TLR6: variants seen among roughly 807,000 people sequenced by gnomAD.
TLR6 encodes the protein toll-like receptor 6.
TLR6 carries 9 observed loss-of-function variants against 16.1 expected under a neutral mutation model. The observed-to-expected ratio is 0.56, with a 90% CI of 0.34 to 0.98. The LOEUF (loss-of-function observed/expected upper bound fraction) is 0.98, where lower values mean the gene tolerates loss of function less well. TLR6 is among the 50% of genes least tolerant of loss of function. TLR6 has a pLI of 0.02. For synonymous variants in TLR6, 340 were observed against 338.6 expected, an observed-to-expected ratio of 1.00 and a Z score of -0.04; for missense variants, 786 against 921.0, an observed-to-expected ratio of 0.85 and a Z score of 1.90.
chr4:38,843,508 C>T (rs1413361281), intron 1 of TLR6: 1 of 152,170 alleles, frequency 6.6e-6, no homozygotes, highest in Non-Finnish European at 1.5e-5. Flanking sequence ...TTTTCACCAT[C>T]AGGGTATATA....
intron 1 of TLR6, among the ~76,000 whole-genome samples, chr4:38,837,120 T>C (rs534756740): frequency 1.3e-5 from 2 of 152,232 alleles, no homozygotes; most frequent in South Asian, 4.1e-4. Context: ...CCCATGTTCA[T>C]GGACTGGAAG....
chr4:38,845,419 A>T lies in TLR6; in HGVS notation c.-65+11342T>A, dbSNP rs372756798. On this transcript the variant is annotated intron_variant, in intron 1 of 1. Coordinates refer to ENST00000436693, the Ensembl canonical transcript of TLR6. ...TGAAATTATAGTTGCTAATCAACTGATCTTAAAATAGGAAGATTATCCTGA... is the reference window on the plus strand; with the variant it reads ...TGAAATTATAGTTGCTAATCAACTGTTCTTAAAATAGGAAGATTATCCTGA... Among the ~76,000 whole-genome samples the T allele has an allele frequency of 2.5e-3, 378 of 152,362 alleles. 3 individuals carry two copies. The highest frequency in any genetic ancestry group is 8.3e-3 in the African/African-American group (343 of 41,572).
intron 1 of TLR6, 145 bp downstream of exon 1, chr4:38,856,616 T>C (rs942541231): frequency 6.6e-6 from 1 of 152,132 alleles, no homozygotes; most frequent in Non-Finnish European, 1.5e-5. Context: ...ATTTGCAACA[T>C]CTACAAAAAA....
chr4:38,858,792 GGAGAGA>G (rs56086259), upstream of TLR6, among the ~76,000 whole-genome samples: 168 of 18,072 alleles, frequency 9.3e-3, 1 homozygote, highest in African/African-American at 0.021. Context: ...AGAGAGAGAG[GGAGAGA>G]GAGAGAGAGA....
intron 1 of TLR6, among the ~76,000 whole-genome samples, chr4:38,838,883 GAAGA>G (rs1010180304): frequency 1.2e-4 from 15 of 126,534 alleles, no homozygotes; most frequent in African/African-American, 4.3e-4. Flanking sequence ...GGGAAGGAAA[GAAGA>G]AAGAAAGAGA....
the TLR6 span, among the ~76,000 whole-genome samples, chr4:38,866,556 CTAAT>C: frequency 2.0e-5 from 3 of 151,790 alleles, no homozygotes; most frequent in Admixed American, 6.6e-5. Flanking sequence ...AAGGAGCAAA[CTAAT>C]TGTCAATAGG....
chr4:38,866,940 GA>G, the TLR6 span, among the ~76,000 whole-genome samples: 1 of 152,166 alleles, frequency 6.6e-6, no homozygotes, highest in Non-Finnish European at 1.5e-5. Context: ...ACATCGCTCA[GA>G]AAGAATCACT....
chr4:38,825,120 A>C (rs1016018852), exon 2 of TLR6: 1 of 152,198 alleles, frequency 6.6e-6, no homozygotes, highest in African/African-American at 2.4e-5. Context: ...TGAATGAACT[A>C]AGTCCAGAAA....
upstream of TLR6, among the ~76,000 whole-genome samples, chr4:38,858,832 GAA>G (rs1713115094): frequency 2.9e-4 from 15 of 50,880 alleles, no homozygotes; most frequent in African/African-American, 3.9e-4. Context: ...AGAGAGAGAG[GAA>G]GAAAGAAAGA....
At chr4:38,863,115 A>G in the TLR6 span, among the ~76,000 whole-genome samples, 1 of 152,098 alleles carries the variant, frequency 6.6e-6, no homozygotes, top group African/African-American at 2.4e-5. Flanking sequence ...GCTCTTTTCA[A>G]GGTCACCAAT....
upstream of TLR6, among the ~76,000 whole-genome samples, chr4:38,858,796 A>AGAGAGAGG (rs1560274569): frequency 4.3e-5 from 3 of 70,064 alleles, no homozygotes; most frequent in Non-Finnish European, 1.0e-4. Flanking sequence ...AGAGAGGGAG[A>AGAGAGAGG]GAGAGAGAGA....
intron 1 of TLR6, among the ~76,000 whole-genome samples, chr4:38,843,368 G>C (rs1379169751): frequency 1.3e-5 from 2 of 152,176 alleles, no homozygotes; most frequent in Non-Finnish European, 2.9e-5. Flanking sequence ...ATAATTGAGA[G>C]CAGATTACCA....
chr4:38,846,532 A>G (rs1298873914), intron 1 of TLR6, among the ~76,000 whole-genome samples: 2 of 152,240 alleles, frequency 1.3e-5, no homozygotes, highest in African/African-American at 4.8e-5. Flanking sequence ...GACAGAAAAC[A>G]TACTAAAATG....
upstream of TLR6, among the ~76,000 whole-genome samples, chr4:38,860,436 C>T (rs541696637): frequency 4.0e-5 from 6 of 150,806 alleles, no homozygotes; most frequent in African/African-American, 1.5e-4. Context: ...CGTGCCACTG[C>T]ACTCAAGCCT....
chr4:38,823,961 G>C (rs117609754), exon 2 of TLR6: 1 of 152,270 alleles, frequency 6.6e-6, no homozygotes, highest in Non-Finnish European at 1.5e-5. Flanking sequence ...AGTGGCAGAT[G>C]GGGAGGAGCA....
chr4:38,864,671 A>T, the TLR6 span, among the ~76,000 whole-genome samples: 1 of 152,222 alleles, frequency 6.6e-6, no homozygotes, highest in African/African-American at 2.4e-5. Context: ...AAAAACAATT[A>T]TACGTGCATT....
chr4:38,856,306 A>C (rs2109478359), intron 1 of TLR6, among the ~76,000 whole-genome samples: 1 of 152,364 alleles, frequency 6.6e-6, no homozygotes, highest in South Asian at 2.1e-4. Flanking sequence ...AATTAGGGAC[A>C]GACACAGACC....
rs952364162 is a variant in TLR6 at position 38,827,791 on chromosome 4, A to T, written c.1683T>A (p.Cys561Ter). 4 of 1,614,138 alleles carry T rather than the reference A, an allele frequency of 2.5e-6. No individual in the cohort carries two copies. In the African/African-American group the frequency reaches 5.3e-5, roughly 22 times the overall value. ...TTCCTCTATAACTTTCTGGGTAGTC[A>T]CACTTATAAGAATCAGGCCAGCCCT... Residue 561 changes from cysteine to a stop codon, truncating the protein, a stop_gained, in exon 2 of 2, where the codon TGT becomes TGA. Transcript: ENST00000436693. LOFTEE classifies it high-confidence loss of function.
intron 1 of TLR6, among the ~76,000 whole-genome samples, chr4:38,837,357 T>C (rs528822537): frequency 1.3e-5 from 2 of 152,144 alleles, no homozygotes; most frequent in African/African-American, 2.4e-5. Context: ...AAAAGTAGCA[T>C]GGTATTGGTA....
Sources: gnomAD v4.1 joint callset for allele counts (sites outside exome capture counted in the v4.1 genomes callset) on GRCh38, gnomAD v4.1.1 for gene constraint, MANE v1.5 for transcripts, NCBI Gene and HGNC (gene_info 2026-07-23, HGNC 2026-07-21) for gene names.